MYLK3: variants seen among roughly 807,000 people sequenced by gnomAD.
The protein encoded by MYLK3 is myosin light chain kinase 3.
In MYLK3, 55 loss-of-function variants were observed where a neutral mutation model predicts 76.3. That is an observed-to-expected ratio of 0.72 (90% CI 0.58 to 0.90). The LOEUF is 0.90. MYLK3 is among the 40% of genes least tolerant of loss of function. The pLI is 0.00. For synonymous variants in MYLK3, 416 were observed against 425.4 expected, an observed-to-expected ratio of 0.98 and a Z score of 0.27; for missense variants, 973 against 1,053.6, an observed-to-expected ratio of 0.92 and a Z score of 1.06.
rs1458437079 is a variant in MYLK3 at position 46,707,840 on chromosome 16, G to A, written c.2401-77C>T. The A allele has an allele frequency of 4.8e-6, 5 of 1,051,428 alleles. No individual in the cohort carries two copies. The South Asian group carries it at 7.3e-5, about 15-fold the overall frequency. The allele number at this position is 1,051,428 out of a possible 1,614,324, so 65.1% of individuals were successfully genotyped here. ...GTTGCCTTATGAAGAAACAATAAAAGGATTTAAGTGAGTCCAGCCACTGGG... is the reference window on the plus strand; with the variant it reads ...GTTGCCTTATGAAGAAACAATAAAAAGATTTAAGTGAGTCCAGCCACTGGG... On this transcript the variant is annotated intron_variant, in intron 12 of 12. Transcript: ENST00000394809.
chr16:46,729,003 C>T (rs767460693), intron 7 of MYLK3, 21 bp downstream of exon 7: 14 of 1,583,418 alleles, frequency 8.8e-6, no homozygotes, highest in East Asian at 4.5e-5. Flanking sequence ...CCGAGGCGGC[C>T]GCCCCGCCTC....
At chr16:46,733,674 G>A (rs1476894546) in intron 3 of MYLK3, among the ~76,000 whole-genome samples, 7 of 152,102 alleles carry the variant, frequency 4.6e-5, no homozygotes, top group African/African-American at 1.2e-4. Flanking sequence ...CTCTCTCTCC[G>A]AGTCTCCCCA....
intron 1 of MYLK3, among the ~76,000 whole-genome samples, chr16:46,744,177 T>C (rs36467): frequency 0.99 from 149,696 of 151,878 alleles, 73,796 homozygotes; most frequent in East Asian, 1. Flanking sequence ...GGACTACAAG[T>C]GCACGCCACC....
intron 6 of MYLK3, 95 bp downstream of exon 6, chr16:46,729,499 G>T: frequency 2.7e-6 from 3 of 1,119,246 alleles, no homozygotes; most frequent in Non-Finnish European, 4.0e-6. Flanking sequence ...GGAATAAGTA[G>T]CATTTCCAGC....
intron 8 of MYLK3, chr16:46,726,730 AAAGAAAAG>A (rs1966843005): frequency 6.8e-6 from 1 of 147,184 alleles, no homozygotes; most frequent in South Asian, 2.2e-4. Context: ...AGAAAGAAAG[AAAGAAAAG>A]AAAGAGAGAG....
upstream of MYLK3, among the ~76,000 whole-genome samples, chr16:46,748,737 T>C (rs947148853): frequency 3.3e-5 from 5 of 152,228 alleles, no homozygotes; most frequent in African/African-American, 1.2e-4. The surrounding 1 kb of genome is among the most constrained non-coding windows in gnomAD (Gnocchi z 4.3). Flanking sequence ...AGCAAAGTTG[T>C]GACTTCTGCC....
intron 1 of MYLK3, among the ~76,000 whole-genome samples, chr16:46,740,536 C>CAT (rs370327693): frequency 0.05 from 4,643 of 93,618 alleles, 194 homozygotes; most frequent in African/African-American, 0.091. Flanking sequence ...TATATACATA[C>CAT]ATATATATAT....
In MYLK3 at chr16:46,732,302, A is replaced by C; in HGVS notation, c.1368T>G (p.Pro456=). Residue 456 remains proline, a synonymous_variant, in exon 4 of 13, where the codon CCT becomes CCG. Coordinates refer to ENST00000394809, the MANE Select transcript of MYLK3 (RefSeq NM_182493.3). ...TGGCTGCACAGTCCTGCTCAGGCTC[A>C]GGGTTTCCCGCCCCTGGGCTTTTGC... ...QQGKSPGAGN[P]EPEQDCAARA... 1 of 1,610,744 alleles carries C rather than the reference A, an allele frequency of 6.2e-7. No homozygotes were observed. Among genetic ancestry groups the C allele is most frequent in the Non-Finnish European group, 8.5e-7 (1 of 1,180,014 alleles).
At chr16:46,751,877 C>T (rs985119065), upstream of MYLK3, among the ~76,000 whole-genome samples, 8 of 152,068 alleles carry the variant, frequency 5.3e-5, no homozygotes, top group South Asian at 2.1e-4. Context: ...GGATTTCCTG[C>T]GGGGATGCTT....
intron 3 of MYLK3, among the ~76,000 whole-genome samples, chr16:46,736,276 G>C (rs2143015583): frequency 6.6e-6 from 1 of 152,332 alleles, no homozygotes; most frequent in East Asian, 1.9e-4. Flanking sequence ...GCCTCTCACA[G>C]TGCTGGGATC....
In MYLK3 at chr16:46,757,476, G is replaced by T. The variant is rs559433571; in HGVS notation, c.-114+5564C>A. On this transcript the variant is annotated intron_variant, in intron 1 of 11. Coordinates refer to the MYLK3 transcript ENST00000536476. ...GCTGCTGGCCTCTGGTGCTGGGACCGCGCAGTGCTGGAGTGGGGCACAGAG... is the reference window on the plus strand; with the variant it reads ...GCTGCTGGCCTCTGGTGCTGGGACCTCGCAGTGCTGGAGTGGGGCACAGAG... The T allele has an allele frequency of 2.1e-5, 21 of 985,320 alleles. No individual in the cohort carries two copies. In the South Asian group the frequency reaches 9.9e-4, roughly 46 times the overall value. The allele number at this position is 985,320 out of a possible 1,614,324, so 61.0% of individuals were successfully genotyped here.
At chr16:46,747,693 C>G in intron 1 of MYLK3, 24 bp downstream of exon 1, 1 of 1,597,920 alleles carries the variant, frequency 6.3e-7, no homozygotes, top group Non-Finnish European at 8.5e-7. Flanking sequence ...CCCATCCAGC[C>G]AGGGCAGGGA....
chr16:46,732,236 TG>T lies in MYLK3; in HGVS notation c.1433del (p.Pro478GlnfsTer24). On this transcript the variant is annotated frameshift_variant, in exon 4 of 13. Transcript: ENST00000394809. LOFTEE classifies it high-confidence loss of function. ...GAACCACGCTGCCAGCCTCGGCGCC[TG>T]GGGGCATCCTCCTTACTGCTTCAGC... ...VRAEAVRRMP[P>X]GAEAGSVVLD... The T allele has an allele frequency of 1.3e-6, 2 of 1,593,432 alleles. No individual in the cohort carries two copies. Among genetic ancestry groups the T allele is most frequent in the Non-Finnish European group, 1.7e-6 (2 of 1,173,004 alleles).
chr16:46,728,236 T>C (rs1162688766), intron 7 of MYLK3, among the ~76,000 whole-genome samples: 2 of 152,094 alleles, frequency 1.3e-5, no homozygotes, highest in South Asian at 2.1e-4. Flanking sequence ...TTGGGAGTGG[T>C]GGGGATTGTG....
chr16:46,748,237 G>T lies in MYLK3; in HGVS notation c.-44C>A, dbSNP rs371812019. 89 of 1,569,950 alleles carry T rather than the reference G, an allele frequency of 5.7e-5. 1 individual carries two copies. In the African/African-American group the frequency reaches 1.1e-3, roughly 20 times the overall value. ...AGGGCAAGAGCGGGGAATGAGGAGA[G>T]GCACAGACCCCTGGTTCTCACTCAG... On this transcript the variant is annotated 5_prime_UTR_variant, in exon 1 of 13. Coordinates refer to ENST00000394809, the MANE Select transcript of MYLK3 (RefSeq NM_182493.3). This position sits in a 1 kb window ranked among gnomAD's most constrained non-coding sequence, Gnocchi z 4.3.
chr16:46,749,058 A>G (rs1967081426), upstream of MYLK3, among the ~76,000 whole-genome samples: 1 of 152,252 alleles, frequency 6.6e-6, no homozygotes, highest in Admixed American at 6.5e-5. Flanking sequence ...GAAACAGACT[A>G]GCAGGGACCC....
chr16:46,702,811 T>C lies in MYLK3; in HGVS notation c.*4893A>G, dbSNP rs1217693755. Among the ~76,000 whole-genome samples, 7 of 151,922 alleles carry C rather than the reference T, an allele frequency of 4.6e-5. 1 individual carries two copies. Among genetic ancestry groups the C allele is most frequent in the Admixed American group, 3.9e-4 (6 of 15,250 alleles). ...GGCGCATGCCTGTAGTCCCAGCTAC[T>C]TGGGAGGCTGAGGCAGGAGAAATCA... On this transcript the variant is annotated 3_prime_UTR_variant, in exon 13 of 13. Coordinates refer to ENST00000394809, the MANE Select transcript of MYLK3 (RefSeq NM_182493.3).
chr16:46,742,714 G>GAA (rs1966953841), intron 1 of MYLK3, among the ~76,000 whole-genome samples: 1 of 152,158 alleles, frequency 6.6e-6, no homozygotes, highest in Non-Finnish European at 1.5e-5. Context: ...TAAGGACATA[G>GAA]CACATGGAGA....
intron 1 of MYLK3, among the ~76,000 whole-genome samples, chr16:46,754,070 C>A (rs1440173872): frequency 6.6e-6 from 1 of 151,930 alleles, no homozygotes; most frequent in Non-Finnish European, 1.5e-5. Context: ...TTTAAAAATT[C>A]AATATAGGGA....
Sources: gnomAD v4.1 joint callset for allele counts (sites outside exome capture counted in the v4.1 genomes callset) on GRCh38, gnomAD v4.1.1 for gene constraint, Gnocchi (gnomAD v3.1) non-coding constraint, MANE v1.5 for transcripts, NCBI Gene and HGNC (gene_info 2026-07-23, HGNC 2026-07-21) for gene names.